Variants in AMOT observed in about 807,000 individuals in gnomAD.
AMOT encodes angiomotin.
AMOT carries 11 observed loss-of-function variants against 67.0 expected under a neutral mutation model. The observed-to-expected ratio is 0.16, with a 90% confidence interval of 0.10 to 0.27. The LOEUF is 0.27. Ranked by LOEUF, AMOT falls within the 10% of genes least tolerant of loss-of-function variation. AMOT has a pLI of 1.00. For synonymous variants in AMOT, 326 were observed against 321.4 expected (o/e 1.01, Z -0.15); for missense variants, 753 against 852.0 (o/e 0.88, Z 1.45).
In AMOT at chrX:112,775,129, C is replaced by T. The variant is rs1301595144; in HGVS notation, c.*3438G>A. The T allele has an allele frequency of 9.1e-6, 1 of 110,039 alleles. No homozygotes were observed. The highest frequency in any genetic ancestry group is 1.9e-5 in the Non-Finnish European group (1 of 52,257). The allele number at this position is 110,039 out of a possible 1,213,427, so 9.1% of individuals were successfully genotyped here. On this transcript the variant is annotated 3_prime_UTR_variant, in exon 14 of 14. Coordinates refer to ENST00000371959, the MANE Select transcript of AMOT (RefSeq NM_001113490.2). ...GGTTTCATGGCTCCATGTAACCCAT[C>T]GTTGCTACTGGAAAAAAATAAACAA...
intron 8 of AMOT, among the ~76,000 whole-genome samples, chrX:112,796,094 C>A (rs1439252394): frequency 9.0e-6 from 1 of 110,795 alleles, no homozygotes; most frequent in Non-Finnish European, 1.9e-5. Flanking sequence ...GTCTTTAACT[C>A]CCAAATTGGT....
intron 8 of AMOT, among the ~76,000 whole-genome samples, chrX:112,799,082 C>A (rs778404092): frequency 2.7e-5 from 3 of 109,999 alleles, no homozygotes; most frequent in South Asian, 3.8e-4. Flanking sequence ...GCGACTTAAT[C>A]ATTTAGCTTC....
chrX:112,834,654 A>G (rs1935089100), intron 1 of AMOT, among the ~76,000 whole-genome samples: 1 of 112,895 alleles, frequency 8.9e-6, no homozygotes, highest in Non-Finnish European at 1.9e-5. Context: ...CTGTGTATAA[A>G]ACACTACAAT....
At chrX:112,821,511 C>G (rs1934714953) in intron 4 of AMOT, among the ~76,000 whole-genome samples, 1 of 111,541 alleles carries the variant, frequency 9.0e-6, no homozygotes, top group Non-Finnish European at 1.9e-5. Context: ...TATATAGGAA[C>G]AACTAAATAT....
chrX:112,804,905 C>T, intron 8 of AMOT, 42 bp downstream of exon 8: 1 of 1,012,508 alleles, frequency 9.9e-7, no homozygotes, highest in Non-Finnish European at 1.4e-6. Flanking sequence ...ATTTCCCAGC[C>T]CTCCCACCCC....
intron 6 of AMOT, among the ~76,000 whole-genome samples, chrX:112,810,895 C>G (rs1415689507): frequency 1.8e-5 from 2 of 111,517 alleles, no homozygotes; most frequent in African/African-American, 6.5e-5. Flanking sequence ...CATTATACTT[C>G]AAGCTTGCAG....
chrX:112,779,392 G>A lies in AMOT; in HGVS notation c.2762C>T (p.Pro921Leu), dbSNP rs1205890221. The change falls in exon 13 of 14, where the codon CCA becomes CTA. Residue 921 changes from proline (P) to leucine (L), a missense_variant. By Grantham distance (98) the Pro-to-Leu change is moderately conservative. Transcript: ENST00000371959. ...APVAVAAAAA[P>L]AAAAAPSPAT... Reference sequence around the variant, plus strand: ...TGGAGACGGGGCAGCAGCAGCAGCTGGAGCAGCAGCAGCAGCAACAGCAAC... The same window carrying A: ...TGGAGACGGGGCAGCAGCAGCAGCTAGAGCAGCAGCAGCAGCAACAGCAAC... 1 of 1,047,865 alleles carries A rather than the reference G, an allele frequency of 9.5e-7. No homozygotes were observed. The allele number at this position is 1,047,865 out of a possible 1,213,427, so 86.4% of individuals were successfully genotyped here. A position where few individuals can be genotyped will look rare whatever the true frequency, so the allele number is the denominator to read the frequency against.
chrX:112,840,351 C>T (rs905975808), intron 1 of AMOT, 101 bp downstream of exon 1: 1 of 112,546 alleles, frequency 8.9e-6, no homozygotes, highest in African/African-American at 3.2e-5. Context: ...CATTCCCACA[C>T]GCGCCTAGAT....
At chrX:112,779,865 T>A (rs777379138) in intron 12 of AMOT, among the ~76,000 whole-genome samples, 185 bp from the exon 13 acceptor site, 1 of 110,647 alleles carries the variant, frequency 9.0e-6, no homozygotes, top group African/African-American at 3.3e-5. Flanking sequence ...TCTAAGTTAT[T>A]TATTTTTGCC....
Position 112,790,790 on chromosome X carries a change from G to A in AMOT, c.1927-8C>T. On this transcript the variant is annotated splice_region_variant and splice_polypyrimidine_tract_variant and intron_variant, in intron 9 of 13. Coordinates refer to ENST00000371959, the MANE Select transcript of AMOT (RefSeq NM_001113490.2). Reference sequence around the variant, plus strand: ...CTGACAGTTGCCCTGACGCTGTTGGGGCAGATGCAGAGAACCCTCAAGTTA... The same window carrying A: ...CTGACAGTTGCCCTGACGCTGTTGGAGCAGATGCAGAGAACCCTCAAGTTA... The A allele has an allele frequency of 8.6e-7, 1 of 1,160,535 alleles. No individual in the cohort carries two copies. The highest frequency in any genetic ancestry group is 3.1e-5 in the East Asian group (1 of 32,221).
chrX:112,799,046 C>T (rs1933929030), intron 8 of AMOT, among the ~76,000 whole-genome samples: 1 of 111,275 alleles, frequency 9.0e-6, no homozygotes, highest in South Asian at 3.8e-4. Flanking sequence ...TCTAGAGCCC[C>T]ATTTGTCTTA....
chrX:112,839,964 A>G (rs1170317525), intron 1 of AMOT, among the ~76,000 whole-genome samples: 2 of 111,586 alleles, frequency 1.8e-5, no homozygotes, highest in Non-Finnish European at 3.8e-5. Flanking sequence ...CTTGTTTTAG[A>G]TTACACAGAC....
At chrX:112,834,114 T>C (rs16987117) in intron 1 of AMOT, among the ~76,000 whole-genome samples, 1,371 of 111,985 alleles carry the variant, frequency 0.012, 18 homozygotes, top group African/African-American at 0.042. Flanking sequence ...CTGATTTCTC[T>C]TCAATGCTGT....
chrX:112,790,592 C>G lies in AMOT; in HGVS notation c.2117G>C (p.Arg706Thr). 8.3e-7 allele frequency: 1 copy of G among 1,200,381 alleles called. No homozygotes were observed. The highest frequency in any genetic ancestry group is 1.1e-6 in the Non-Finnish European group (1 of 889,547). ...LDAAATVAAQ[R>T]DTTVISHSPN... ...CATGCCCTACCAGCTACCTACTTAC[C>G]TCTGAGCAGCCACAGTTGCAGCAGC... The change falls in exon 10 of 14, where the codon AGG becomes ACG. Residue 706 changes from arginine to threonine, a missense_variant and splice_region_variant. This residue lies in a region of AMOT where 269 missense variants were observed against 300.9 expected (regional missense o/e 0.89). Transcript: ENST00000371959.
At chrX:112,813,137 C>A (rs888427202) in intron 5 of AMOT, among the ~76,000 whole-genome samples, 2 of 112,411 alleles carry the variant, frequency 1.8e-5, no homozygotes, top group Non-Finnish European at 3.8e-5. Context: ...GCACAGAATG[C>A]AACACCTAGA....
At chrX:112,834,850 G>A (rs1481920652) in intron 1 of AMOT, among the ~76,000 whole-genome samples, 2 of 112,569 alleles carry the variant, frequency 1.8e-5, no homozygotes, top group African/African-American at 6.5e-5. Flanking sequence ...TCTTTTTGAA[G>A]CTATTTTTCA....
intron 10 of AMOT, among the ~76,000 whole-genome samples, chrX:112,785,841 G>A (rs953748106): frequency 6.2e-5 from 7 of 112,162 alleles, no homozygotes; most frequent in Admixed American, 3.8e-4. Flanking sequence ...TATCAATGTG[G>A]GAGTTAGGGA....
chrX:112,805,148 C>G, intron 7 of AMOT, 56 bp from the exon 8 acceptor site: 3 of 1,190,403 alleles, frequency 2.5e-6, no homozygotes, highest in South Asian at 3.7e-5. Context: ...AAAGCCTTAC[C>G]TGAGCAAAAT....
At chrX:112,788,072 A>G (rs1933434233) in intron 10 of AMOT, among the ~76,000 whole-genome samples, 1 of 110,892 alleles carries the variant, frequency 9.0e-6, no homozygotes, top group Non-Finnish European at 1.9e-5. Flanking sequence ...GGTGGATCAC[A>G]AGGTCAGGAG....
Sources: allele counts gnomAD v4.1 joint callset (sites outside exome capture counted in the v4.1 genomes callset), GRCh38; gene constraint gnomAD v4.1.1; regional missense constraint gnomAD v4.1.1; transcripts MANE v1.5; gene names NCBI Gene and HGNC (gene_info 2026-07-23, HGNC 2026-07-21).